The following HNMT variants were observed in gnomAD, a reference collection of about 807,000 sequenced individuals.
HNMT encodes the protein histamine N-methyltransferase.
Under a neutral mutation model 32.1 loss-of-function variants are expected in HNMT, and 30 were observed. The ratio of observed to expected loss-of-function variants is 0.93; its 90% CI spans 0.70 to 1.27. HNMT has a LOEUF of 1.27. HNMT is among the 50% of genes most tolerant of loss of function. The pLI is 0.00. For missense variants in HNMT, 327 were observed against 346.0 expected (o/e 0.95, Z 0.43); for synonymous variants, 125 against 119.0 (o/e 1.05, Z -0.33).
chr2:137,966,522 C>T (rs1360771704), intron 1 of HNMT, among the ~76,000 whole-genome samples: 2 of 152,064 alleles, frequency 1.3e-5, no homozygotes, highest in Non-Finnish European at 2.9e-5. Flanking sequence ...GTTATTTTGC[C>T]TATGTACATA....
At position 138,015,210 on chromosome 2, in the gene HNMT, GCT is replaced by G. The variant is rs1205264799; in HGVS notation, c.*1083_*1084del. 1.3e-5 allele frequency: 2 copies of G among 151,832 alleles called. No individual in the cohort carries two copies. The highest frequency in any genetic ancestry group is 2.9e-5 in the Non-Finnish European group (2 of 67,946). 9.4% of individuals were successfully genotyped at this position (151,832 alleles called of 1,614,324 possible). A position where few individuals can be genotyped will look rare whatever the true frequency, so the allele number is the denominator to read the frequency against. On this transcript the variant is annotated 3_prime_UTR_variant, in exon 6 of 6. Transcript: ENST00000280097. ...GATGTTTCTTATTTTTAATAATAAC[GCT>G]CTGTTATTTTTGACATAAACAGTAC...
intron 1 of HNMT, chr2:137,967,137 G>A (rs1679982786): frequency 1.4e-5 from 11 of 778,774 alleles, no homozygotes; most frequent in Non-Finnish European, 2.4e-5. Flanking sequence ...CTGGCCAGAT[G>A]TGTTGGTTCA....
intron 3 of HNMT, 21 bp from the exon 4 acceptor site, chr2:138,002,043 C>T: frequency 6.7e-7 from 1 of 1,501,238 alleles, no homozygotes; most frequent in Non-Finnish European, 8.9e-7. Flanking sequence ...GATGGTGTGT[C>T]ACCTCTTCTC....
At position 138,014,215 on chromosome 2, in the gene HNMT, A is replaced by C; in HGVS notation, c.*85A>C. The C allele has an allele frequency of 3.1e-5, 27 of 870,480 alleles. No homozygotes were observed. Among genetic ancestry groups the C allele is most frequent in the Non-Finnish European group, 3.9e-5 (22 of 569,370 alleles). 53.9% of individuals were successfully genotyped at this position (870,480 alleles called of 1,614,324 possible). On this transcript the variant is annotated 3_prime_UTR_variant, in exon 6 of 6. Coordinates refer to ENST00000280097, the MANE Select transcript of HNMT (RefSeq NM_006895.3). ...ATTTCCATATTAAAATCACAAACTC[A>C]TCCATTAATGTAGATAAAGCACTGT...
chr2:137,976,852 T>C (rs1680302701), intron 2 of HNMT, among the ~76,000 whole-genome samples: 1 of 152,220 alleles, frequency 6.6e-6, no homozygotes, highest in Non-Finnish European at 1.5e-5. Context: ...TATTTAAAAC[T>C]TTCAGTGAGC....
chr2:138,002,013 C>A, intron 3 of HNMT, 51 bp from the exon 4 acceptor site: 1 of 1,402,710 alleles, frequency 7.1e-7, no homozygotes, highest in East Asian at 2.5e-5. Flanking sequence ...GAAATGGTTT[C>A]CACATTTGCA....
At chr2:137,998,542 C>T (rs1348990476) in intron 2 of HNMT, among the ~76,000 whole-genome samples, 1 of 152,136 alleles carries the variant, frequency 6.6e-6, no homozygotes, top group Non-Finnish European at 1.5e-5. Context: ...ATCACCTCTT[C>T]TTAAACTTAA....
chr2:137,979,936 T>A (rs1680436607), intron 2 of HNMT, among the ~76,000 whole-genome samples: 1 of 152,166 alleles, frequency 6.6e-6, no homozygotes, highest in Non-Finnish European at 1.5e-5. Context: ...CGGCCTCTCC[T>A]TCATCTCCTT....
At chr2:138,005,863 T>A (rs1226705732) in intron 5 of HNMT, among the ~76,000 whole-genome samples, 2 of 152,030 alleles carry the variant, frequency 1.3e-5, no homozygotes, top group Non-Finnish European at 2.9e-5. Flanking sequence ...GAGGACAGTA[T>A]TTATTACTTC....
Position 138,015,389 on chromosome 2 carries a change from A to G in HNMT, c.*1259A>G, listed in dbSNP as rs1681633445. ...AACCCCGTGTGATACTCACTCTTTC[A>G]TGCAATAGGGCTTCCATGTAATGTT... On this transcript the variant is annotated 3_prime_UTR_variant, in exon 6 of 6. Transcript: ENST00000280097. The G allele has an allele frequency of 6.6e-6, 1 of 152,084 alleles. No individual in the cohort carries two copies. The highest frequency in any genetic ancestry group is 2.4e-5 in the African/African-American group (1 of 41,412). The allele number at this position is 152,084 out of a possible 1,614,324, so 9.4% of individuals were successfully genotyped here. A position where few individuals can be genotyped will look rare whatever the true frequency, so the allele number is the denominator to read the frequency against.
chr2:137,982,099 T>C (rs1680520185), intron 2 of HNMT, among the ~76,000 whole-genome samples: 1 of 152,230 alleles, frequency 6.6e-6, no homozygotes. Context: ...TCCACCAGCC[T>C]AGGCCTCCCG....
At chr2:138,000,476 T>G (rs1017861439) in intron 2 of HNMT, among the ~76,000 whole-genome samples, 17 of 151,218 alleles carry the variant, frequency 1.1e-4, no homozygotes, top group African/African-American at 4.1e-4. Flanking sequence ...CATTTTTTTG[T>G]ACTCTTCTGG....
chr2:138,002,443 G>T, intron 4 of HNMT: 1 of 838,266 alleles, frequency 1.2e-6, no homozygotes, highest in African/African-American at 1.8e-5. Context: ...AAAAATGTTG[G>T]CTTAATTCTT....
At chr2:138,009,193 A>G (rs1242467939) in intron 5 of HNMT, among the ~76,000 whole-genome samples, 2 of 152,172 alleles carry the variant, frequency 1.3e-5, no homozygotes, top group African/African-American at 4.8e-5. Flanking sequence ...CAAAACCACA[A>G]TGAGATACCA....
Position 137,978,998 on chromosome 2 carries a change from A to G in HNMT, c.190+8781A>G, listed in dbSNP as rs554697072. Among the ~76,000 whole-genome samples, 192 of 141,888 alleles carry G rather than the reference A, an allele frequency of 1.4e-3. 1 individual carries two copies. The highest frequency in any genetic ancestry group is 4.7e-3 in the African/African-American group (185 of 39,380). The allele number at this position is 141,888 out of a possible 152,430, so 93.1% of individuals were successfully genotyped here. ...ATATAATATATATAATTGGTAATAC[A>G]TTATATAATATTCTTATATAATATA... is the stretch of plus-strand genomic sequence containing the variant. On this transcript the variant is annotated intron_variant, in intron 2 of 5. Coordinates refer to ENST00000280097, the MANE Select transcript of HNMT (RefSeq NM_006895.3).
rs573744827 is a variant in HNMT, at chr2:138,005,657, T to C, written c.523+432T>C. ...CATCATTTTTAATTGACTTGCATTC[T>C]TAGAGCCATGATCAACACTGCTTGC... On this transcript the variant is annotated intron_variant, in intron 5 of 5. Transcript: ENST00000280097. 2.0e-5 allele frequency among the ~76,000 whole-genome samples: 3 copies of C among 152,168 alleles called. No individual in the cohort carries two copies. The South Asian group carries it at 6.2e-4, about 32-fold the overall frequency.
At chr2:137,983,735 G>A (rs558844261) in intron 2 of HNMT, among the ~76,000 whole-genome samples, 1 of 152,272 alleles carries the variant, frequency 6.6e-6, no homozygotes, top group South Asian at 2.1e-4. Flanking sequence ...CTGTGGGAAG[G>A]TAAATATATG....
intron 2 of HNMT, among the ~76,000 whole-genome samples, chr2:137,979,363 C>A (rs541235148): frequency 4.7e-4 from 71 of 151,340 alleles, no homozygotes; most frequent in African/African-American, 1.6e-3. Flanking sequence ...CTCCGCCTCC[C>A]GGGTTCACGC....
intron 2 of HNMT, among the ~76,000 whole-genome samples, chr2:137,988,368 A>G (rs189665701): frequency 2.0e-5 from 3 of 152,276 alleles, no homozygotes; most frequent in Non-Finnish European, 2.9e-5. Context: ...GCTAGTAGGG[A>G]CAGAATTGAG....
Sources: gnomAD v4.1 joint callset for allele counts (sites outside exome capture counted in the v4.1 genomes callset) on GRCh38, gnomAD v4.1.1 for gene constraint, MANE v1.5 for transcripts, NCBI Gene and HGNC (gene_info 2026-07-23, HGNC 2026-07-21) for gene names.